Variants in SLC39A11 observed in about 807,000 individuals in gnomAD.
The protein encoded by SLC39A11 is zinc transporter ZIP11.
Under a neutral mutation model 36.1 loss-of-function variants are expected in SLC39A11, and 33 were observed. That is an observed-to-expected ratio of 0.91 (90% CI 0.69 to 1.22). The LOEUF (loss-of-function observed/expected upper bound fraction) is 1.22, where lower values mean the gene tolerates loss of function less well. Among genes scored for constraint, SLC39A11 ranks in the 50% most tolerant of loss-of-function variants. SLC39A11 has a pLI of 0.00. For synonymous variants in SLC39A11, 166 were observed against 170.3 expected (o/e 0.97, Z 0.20); for missense variants, 432 against 430.3 (o/e 1.00, Z -0.03).
chr17:73,008,183 T>TG (rs2090300640), intron 4 of SLC39A11, among the ~76,000 whole-genome samples: 1 of 118,046 alleles, frequency 8.5e-6, no homozygotes, highest in African/African-American at 2.9e-5. Context: ...TTTTTTGAGA[T>TG]GGGGTCTTAC....
chr17:72,754,051 T>TATAC (rs2075275082), intron 6 of SLC39A11, among the ~76,000 whole-genome samples: 1 of 108,060 alleles, frequency 9.3e-6, no homozygotes, highest in Non-Finnish European at 1.8e-5. Context: ...TATATACACA[T>TATAC]ACACACACAC....
chr17:73,041,373 C>A (rs1404900920), intron 3 of SLC39A11, among the ~76,000 whole-genome samples: 1 of 152,212 alleles, frequency 6.6e-6, no homozygotes, highest in Admixed American at 6.5e-5. Flanking sequence ...AAGGAAGGTG[C>A]TTCATCCCAC....
At chr17:73,013,280 G>A (rs999604540) in intron 4 of SLC39A11, among the ~76,000 whole-genome samples, 2 of 148,154 alleles carry the variant, frequency 1.3e-5, no homozygotes, top group African/African-American at 5.0e-5. Flanking sequence ...TAGAGATGAG[G>A]TTTCACCATA....
intron 6 of SLC39A11, among the ~76,000 whole-genome samples, chr17:72,809,862 G>A (rs1194436463): frequency 6.6e-6 from 1 of 152,036 alleles, no homozygotes; most frequent in African/African-American, 2.4e-5. Context: ...TTGAGGTCAG[G>A]AGTTTGAGAC....
chr17:72,809,830 G>A (rs1402759134), intron 6 of SLC39A11, among the ~76,000 whole-genome samples: 2 of 152,106 alleles, frequency 1.3e-5, no homozygotes, highest in African/African-American at 4.8e-5. Flanking sequence ...AGCACTTTAG[G>A]AGGCTGAGGT....
chr17:72,968,077 A>G (rs1031871932), intron 4 of SLC39A11, among the ~76,000 whole-genome samples: 2 of 152,180 alleles, frequency 1.3e-5, no homozygotes, highest in Non-Finnish European at 1.5e-5. Flanking sequence ...CCTGGGAGCA[A>G]CAAGGAGAAA....
intron 5 of SLC39A11, among the ~76,000 whole-genome samples, chr17:72,918,837 T>C (rs1468026398): frequency 7.9e-5 from 12 of 152,142 alleles, no homozygotes; most frequent in African/African-American, 2.6e-4. Flanking sequence ...TTGAGGTGGG[T>C]AGATCACTTG....
chr17:72,794,332 GC>G (rs1450509219), intron 6 of SLC39A11, among the ~76,000 whole-genome samples: 1 of 152,112 alleles, frequency 6.6e-6, no homozygotes, highest in African/African-American at 2.4e-5. Context: ...GAGGCAACCA[GC>G]CCCCACCAAG....
At chr17:72,926,208 A>T (rs1438643652) in intron 5 of SLC39A11, among the ~76,000 whole-genome samples, 2 of 152,242 alleles carry the variant, frequency 1.3e-5, no homozygotes, top group African/African-American at 2.4e-5. Flanking sequence ...ATGAAATTTT[A>T]AAAAATCAAA....
At chr17:72,771,810 T>A (rs994273906) in intron 6 of SLC39A11, among the ~76,000 whole-genome samples, 9 of 152,212 alleles carry the variant, frequency 5.9e-5, no homozygotes, top group Non-Finnish European at 1.0e-4. Flanking sequence ...TCTCACATCA[T>A]GCTGATTTCA....
chr17:72,807,574 C>T (rs573063122), intron 6 of SLC39A11, among the ~76,000 whole-genome samples: 6 of 152,174 alleles, frequency 3.9e-5, no homozygotes, highest in East Asian at 3.9e-4. Flanking sequence ...AGAGGGGATT[C>T]GAAGGAGGCT....
At chr17:72,713,564 C>T (rs1366433144) in intron 7 of SLC39A11, among the ~76,000 whole-genome samples, 1 of 152,116 alleles carries the variant, frequency 6.6e-6, no homozygotes, top group African/African-American at 2.4e-5. Flanking sequence ...TCTTCTTCTT[C>T]CTCCTCCTCC....
chr17:72,883,809 C>T (rs1394821119), intron 5 of SLC39A11, among the ~76,000 whole-genome samples: 1 of 152,128 alleles, frequency 6.6e-6, no homozygotes, highest in Non-Finnish European at 1.5e-5. Context: ...AGTGTGAAAA[C>T]TGAAGTTGGG....
At chr17:72,729,444 TATATATATATATA>T (rs1484780258) in intron 7 of SLC39A11, among the ~76,000 whole-genome samples, 12 of 7,280 alleles carry the variant, frequency 1.6e-3, no homozygotes, top group Non-Finnish European at 2.4e-3. Flanking sequence ...TATATATATA[TATATATATATATA>T]TTTTTTTTTT....
At chr17:72,649,574 C>T (rs939420894) in intron 7 of SLC39A11, among the ~76,000 whole-genome samples, 2 of 152,234 alleles carry the variant, frequency 1.3e-5, no homozygotes, top group African/African-American at 4.8e-5. Context: ...TGAGTTCTGC[C>T]ACGTGGCTGT....
At chr17:72,900,008 G>GAGAGAGAGAGAAAGAC (rs2082244653) in intron 5 of SLC39A11, among the ~76,000 whole-genome samples, 1 of 131,808 alleles carries the variant, frequency 7.6e-6, no homozygotes, top group African/African-American at 3.7e-5. Flanking sequence ...GAGAGAAAGA[G>GAGAGAGAGAGAAAGAC]AGAGAGAGAG....
chr17:73,039,917 C>A (rs985708750), intron 3 of SLC39A11, among the ~76,000 whole-genome samples: 1 of 152,158 alleles, frequency 6.6e-6, no homozygotes, highest in African/African-American at 2.4e-5. Context: ...ACTGTGCTAC[C>A]CTCTACCCCT....
chr17:73,090,210 C>A (rs1033159886), intron 1 of SLC39A11, among the ~76,000 whole-genome samples: 1 of 152,160 alleles, frequency 6.6e-6, no homozygotes, highest in Non-Finnish European at 1.5e-5. Flanking sequence ...AGCCCTTATG[C>A]CAAGCGGCTC....
At chr17:72,676,421 CACA>C (rs1267517471) in intron 7 of SLC39A11, among the ~76,000 whole-genome samples, 1 of 152,052 alleles carries the variant, frequency 6.6e-6, no homozygotes, top group African/African-American at 2.4e-5. Context: ...CCTCGATGAT[CACA>C]ACATTTCAAT....
Sources: gnomAD v4.1 joint callset for allele counts (sites outside exome capture counted in the v4.1 genomes callset) on GRCh38, gnomAD v4.1.1 for gene constraint, MANE v1.5 for transcripts, NCBI Gene and HGNC (gene_info 2026-07-23, HGNC 2026-07-21) for gene names.